Variants in DHX32 observed in about 807,000 individuals in gnomAD.
The protein encoded by DHX32 is DEAH-box helicase 32 (putative), also known as putative pre-mRNA-splicing factor ATP-dependent RNA helicase DHX32.
A neutral mutation model predicts 70.0 loss-of-function variants in DHX32; 51 were observed. That is an observed-to-expected ratio of 0.73 (90% CI 0.58 to 0.92). The LOEUF is 0.92. DHX32 is among the 40% of genes least tolerant of loss of function. The pLI is 0.00. For missense variants in DHX32, 762 were observed against 891.8 expected (o/e 0.85, Z 1.85); for synonymous variants, 310 against 315.3 (o/e 0.98, Z 0.18).
At chr10:125,880,493 A>G in intron 1 of DHX32, 50 bp downstream of exon 1, 1 of 1,521,122 alleles carries the variant, frequency 6.6e-7, no homozygotes, top group South Asian at 1.3e-5. Context: ...TTAAATAACA[A>G]TTAAAAAATC....
At chr10:125,861,101 C>A (rs924485426) in intron 2 of DHX32, among the ~76,000 whole-genome samples, 5 of 152,076 alleles carry the variant, frequency 3.3e-5, no homozygotes, top group African/African-American at 1.2e-4. Context: ...TTTATTTATT[C>A]TTGTACATGG....
rs1238990115 is a variant in DHX32 at position 125,880,813 on chromosome 10, TTCTTCTTCCATCTTGTCTGACAGTGAGC to T, written c.-17_11del. The T allele has an allele frequency of 1.2e-6, 2 of 1,609,758 alleles. No homozygotes were observed. Among genetic ancestry groups the T allele is most frequent in the South Asian group, 2.2e-5 (2 of 90,106 alleles). Reference sequence around the variant, plus strand: ...AGGAAGAGTTTGGACACTCCAGCCCTTCTTCTTCCATCTTGTCTGACAGTGAGCTCACGCAGCTGACATTCCACAAGCA... The same window carrying T: ...AGGAAGAGTTTGGACACTCCAGCCCTTCACGCAGCTGACATTCCACAAGCA... On this transcript the variant is annotated start_lost and 5_prime_UTR_variant, in exon 1 of 11. Transcript: ENST00000284690.
At chr10:125,853,910 T>C (rs766709038) in intron 4 of DHX32, 51 bp downstream of exon 4, 3 of 1,576,486 alleles carry the variant, frequency 1.9e-6, no homozygotes, top group South Asian at 1.2e-5. Flanking sequence ...ACTGAGAAAC[T>C]AGTGCTTGAC....
At chr10:125,838,179 C>T in intron 10 of DHX32, 27 bp downstream of exon 10, 1 of 1,527,942 alleles carries the variant, frequency 6.5e-7, no homozygotes, top group Non-Finnish European at 8.7e-7. Flanking sequence ...AAAAAAAATA[C>T]AACCCTTTCT....
chr10:125,852,374 C>A lies in DHX32; in HGVS notation c.1270G>T (p.Ala424Ser), dbSNP rs1246996311. 6.2e-7 allele frequency: 1 copy of A among 1,614,212 alleles called. No homozygotes were observed. The highest frequency in any genetic ancestry group is 1.7e-5 in the Admixed American group (1 of 60,024). ...TPLKPAEMQE[A>S]NLTSMVLFMK... Reference sequence around the variant, plus strand: ...AAAAGCACCATGCTTGTTAGGTTGGCTTCCTGCATTTCTGCTGGCTTCAGT... The same window carrying A: ...AAAAGCACCATGCTTGTTAGGTTGGATTCCTGCATTTCTGCTGGCTTCAGT... Residue 424 changes from alanine to serine, a missense_variant, in exon 6 of 11, where the codon GCC becomes TCC. Physicochemically the swap from Ala to Ser is moderately conservative, Grantham distance 99 (BLOSUM62 1). Coordinates refer to ENST00000284690, the MANE Select transcript of DHX32 (RefSeq NM_018180.3).
chr10:125,884,552 G>A (rs1192014638), upstream of DHX32, among the ~76,000 whole-genome samples: 1 of 152,156 alleles, frequency 6.6e-6, no homozygotes, highest in Non-Finnish European at 1.5e-5. Flanking sequence ...TCTTAAACAT[G>A]CATCCATGAA....
At chr10:125,885,799 T>C (rs1174254295), upstream of DHX32, among the ~76,000 whole-genome samples, 1 of 152,186 alleles carries the variant, frequency 6.6e-6, no homozygotes, top group African/African-American at 2.4e-5. Context: ...TAACCTCTAC[T>C]GTGAACACTT....
chr10:125,893,840 AT>A (rs1365999490), intron 1 of DHX32, among the ~76,000 whole-genome samples: 1 of 152,276 alleles, frequency 6.6e-6, no homozygotes. Context: ...AGACAGAACT[AT>A]TAATAACATG....
intron 2 of DHX32, among the ~76,000 whole-genome samples, chr10:125,864,929 C>CAAAAAAAAAAAAAAAAAAAAAAAAAAA (rs61570718): frequency 7.4e-5 from 4 of 54,222 alleles, no homozygotes; most frequent in Non-Finnish European, 9.3e-5. Context: ...GACTCTGTCT[C>CAAAAAAAAAAAAAAAAAAAAAAAAAAA]AAAAAAAAAA....
chr10:125,865,848 A>G (rs1326009294), intron 2 of DHX32, among the ~76,000 whole-genome samples: 2 of 152,052 alleles, frequency 1.3e-5, no homozygotes, highest in Non-Finnish European at 2.9e-5. Context: ...TTCTGAATGG[A>G]GATAAGAACC....
At chr10:125,860,670 A>G (rs1052587555) in intron 2 of DHX32, among the ~76,000 whole-genome samples, 1 of 151,430 alleles carries the variant, frequency 6.6e-6, no homozygotes, top group African/African-American at 2.4e-5. Flanking sequence ...ATAACCACCT[A>G]TTAGTCACTA....
Position 125,866,648 on chromosome 10 carries a change from A to G in DHX32, c.476+342T>C, listed in dbSNP as rs1411231643. Among the ~76,000 whole-genome samples, 1 of 152,252 alleles carries G rather than the reference A, an allele frequency of 6.6e-6. No homozygotes were observed. The highest frequency in any genetic ancestry group is 2.4e-5 in the African/African-American group (1 of 41,468). On this transcript the variant is annotated intron_variant, in intron 2 of 10. Transcript: ENST00000284690. The surrounding 1 kb of genome is among the most constrained non-coding windows in gnomAD (Gnocchi z 4.8). ...ACAGGGTGTGGAAAGCACAGGGCAC[A>G]CAGTGTGCTCCAGGTGTCCATGTGG...
At chr10:125,865,453 T>C (rs1218984709) in intron 2 of DHX32, among the ~76,000 whole-genome samples, 2 of 152,248 alleles carry the variant, frequency 1.3e-5, no homozygotes, top group Admixed American at 6.5e-5. Flanking sequence ...GATTTGACAC[T>C]AGCCTGAAGA....
At chr10:125,850,097 C>T (rs1041352922) in intron 6 of DHX32, among the ~76,000 whole-genome samples, 1 of 149,716 alleles carries the variant, frequency 6.7e-6, no homozygotes, top group Non-Finnish European at 1.5e-5. Flanking sequence ...TCCCAAACAG[C>T]TAGTACTACA....
At chr10:125,841,259 A>G in intron 7 of DHX32, 1 of 1,614,056 alleles carries the variant, frequency 6.2e-7, no homozygotes, top group Non-Finnish European at 8.5e-7. Flanking sequence ...CGGCAGGAGC[A>G]GGGAAAACCT....
chr10:125,893,598 G>A (rs1352253738), intron 1 of DHX32, among the ~76,000 whole-genome samples: 1 of 152,196 alleles, frequency 6.6e-6, no homozygotes, highest in Non-Finnish European at 1.5e-5. Context: ...TTCCATTTGA[G>A]TGCAACAAAT....
At chr10:125,871,826 G>A (rs1944257221) in intron 1 of DHX32, among the ~76,000 whole-genome samples, 2 of 151,080 alleles carry the variant, frequency 1.3e-5, no homozygotes, top group Admixed American at 1.3e-4. Context: ...ATCTCTTGTT[G>A]GTATTGACCT....
At chr10:125,884,080 A>T (rs1564833189), upstream of DHX32, among the ~76,000 whole-genome samples, 1 of 152,212 alleles carries the variant, frequency 6.6e-6, no homozygotes, top group Non-Finnish European at 1.5e-5. Flanking sequence ...TATGACATTT[A>T]TAGACTCTGG....
intron 1 of DHX32, among the ~76,000 whole-genome samples, chr10:125,895,256 C>T (rs1244116709): frequency 6.6e-6 from 1 of 152,152 alleles, no homozygotes; most frequent in Non-Finnish European, 1.5e-5. Flanking sequence ...CCTTGTCATC[C>T]ATGGAGTGGA....
Sources: gnomAD v4.1 joint callset for allele counts (sites outside exome capture counted in the v4.1 genomes callset) on GRCh38, gnomAD v4.1.1 for gene constraint, Gnocchi (gnomAD v3.1) non-coding constraint, MANE v1.5 for transcripts, NCBI Gene and HGNC (gene_info 2026-07-23, HGNC 2026-07-21) for gene names.